The following GNB4 variants were observed in gnomAD, a reference collection of about 807,000 sequenced individuals.
GNB4 encodes G protein subunit beta 4.
A neutral mutation model predicts 45.2 loss-of-function variants in GNB4; 28 were observed. That is an observed-to-expected ratio of 0.62 (90% confidence interval 0.46 to 0.85). The LOEUF is 0.85. GNB4 is among the 40% of genes least tolerant of loss of function. The pLI is 0.00. For synonymous variants in GNB4, 132 were observed against 143.7 expected, an observed-to-expected ratio of 0.92 and a Z score of 0.58; for missense variants, 321 against 425.4, an observed-to-expected ratio of 0.75 and a Z score of 2.16.
At chr3:179,511,677 G>A in the GNB4 span, among the ~76,000 whole-genome samples, 1 of 151,928 alleles carries the variant, frequency 6.6e-6, no homozygotes, top group African/African-American at 2.4e-5. Context: ...ATTAAATGAT[G>A]TTAATAAGCA....
At chr3:179,483,900 T>C in the GNB4 span, among the ~76,000 whole-genome samples, 1 of 152,172 alleles carries the variant, frequency 6.6e-6, no homozygotes, top group African/African-American at 2.4e-5. Context: ...ACAAATTTTA[T>C]TACAATCAAT....
At chr3:179,480,723 T>C in the GNB4 span, among the ~76,000 whole-genome samples, 2 of 152,168 alleles carry the variant, frequency 1.3e-5, no homozygotes, top group Non-Finnish European at 2.9e-5. Flanking sequence ...CTCCCACAGA[T>C]TTAACACTGG....
rs930232785 is a variant in GNB4, at chr3:179,451,450, G to C, written c.-147C>G. On this transcript the variant is annotated 5_prime_UTR_variant, in exon 1 of 10. Transcript: ENST00000232564. ...GGCGTGGAGAGCGCAGCTCACAGCC[G>C]AGACCAGAGCCGCCGGCCACACCCA... The C allele has an allele frequency of 6.6e-6, 1 of 151,022 alleles. No individual in the cohort carries two copies. Among genetic ancestry groups the C allele is most frequent in the Non-Finnish European group, 1.5e-5 (1 of 67,678 alleles). The allele number at this position is 151,022 out of a possible 1,614,324, so 9.4% of individuals were successfully genotyped here.
chr3:179,485,785 A>G, the GNB4 span, among the ~76,000 whole-genome samples: 5 of 152,030 alleles, frequency 3.3e-5, no homozygotes, highest in African/African-American at 1.2e-4. Context: ...TACTAAAAAT[A>G]CAAAATTAGC....
intron 8 of GNB4, among the ~76,000 whole-genome samples, chr3:179,411,629 G>C (rs1714655760): frequency 6.6e-6 from 1 of 152,174 alleles, no homozygotes; most frequent in Non-Finnish European, 1.5e-5. Context: ...ATCTCAACTT[G>C]ATAAAAGTAA....
chr3:179,409,125 TA>T (rs35623624), intron 8 of GNB4, among the ~76,000 whole-genome samples: 84,307 of 134,132 alleles, frequency 0.63, 25,206 homozygotes, highest in Admixed American at 0.73. Flanking sequence ...TGAAACCCAG[TA>T]AAAAAAAAAA....
chr3:179,482,758 T>A, the GNB4 span, among the ~76,000 whole-genome samples: 9 of 152,374 alleles, frequency 5.9e-5, no homozygotes, highest in Admixed American at 3.3e-4. Flanking sequence ...AGGCTTTTCA[T>A]GACTCTCTCT....
the GNB4 span, among the ~76,000 whole-genome samples, chr3:179,505,034 G>A: frequency 1.3e-5 from 2 of 152,160 alleles, no homozygotes; most frequent in Non-Finnish European, 2.9e-5. Flanking sequence ...AGAATAGTGT[G>A]TCCCAGAAGA....
At chr3:179,421,285 TGA>T (rs1298900679) in intron 2 of GNB4, among the ~76,000 whole-genome samples, 1 of 152,136 alleles carries the variant, frequency 6.6e-6, no homozygotes, top group African/African-American at 2.4e-5. Flanking sequence ...GAACAAAATT[TGA>T]GAGATGTCAA....
At chr3:179,430,919 T>TA (rs1431560196) in intron 1 of GNB4, among the ~76,000 whole-genome samples, 1 of 152,234 alleles carries the variant, frequency 6.6e-6, no homozygotes, top group African/African-American at 2.4e-5. Flanking sequence ...CACAAAGTAT[T>TA]AATTTTTTTT....
chr3:179,425,732 A>G (rs777205978), intron 2 of GNB4, among the ~76,000 whole-genome samples: 1 of 152,142 alleles, frequency 6.6e-6, no homozygotes, highest in African/African-American at 2.4e-5. Flanking sequence ...CAGCCTCCCA[A>G]AGTGCTGGGA....
chr3:179,510,560 G>A, the GNB4 span, among the ~76,000 whole-genome samples: 21 of 152,190 alleles, frequency 1.4e-4, no homozygotes, highest in Admixed American at 1.4e-3. Context: ...AAAGCAGAGG[G>A]GGGAAAAGAT....
the GNB4 span, among the ~76,000 whole-genome samples, chr3:179,484,285 A>G: frequency 1.3e-5 from 2 of 152,254 alleles, no homozygotes; most frequent in Non-Finnish European, 2.9e-5. Flanking sequence ...GCAGGGCCAA[A>G]TATATGACCC....
At chr3:179,404,848 A>T (rs1714417856) in intron 9 of GNB4, among the ~76,000 whole-genome samples, 1 of 152,192 alleles carries the variant, frequency 6.6e-6, no homozygotes, top group Non-Finnish European at 1.5e-5. Context: ...TCTGCTTCAG[A>T]AGGAAGAAAA....
At chr3:179,480,913 G>A in the GNB4 span, among the ~76,000 whole-genome samples, 124 of 147,622 alleles carry the variant, frequency 8.4e-4, 1 homozygote, top group Admixed American at 6.8e-3. Flanking sequence ...GTGCAGTGGC[G>A]CGATCTCGGC....
chr3:179,514,400 T>G, the GNB4 span, among the ~76,000 whole-genome samples: 2 of 152,178 alleles, frequency 1.3e-5, no homozygotes, highest in African/African-American at 4.8e-5. Context: ...GGAAGTTGCC[T>G]TTAGTCATCC....
chr3:179,523,085 T>C, the GNB4 span, among the ~76,000 whole-genome samples: 18 of 151,832 alleles, frequency 1.2e-4, no homozygotes, highest in Admixed American at 1.2e-3. Flanking sequence ...ATGGTAAAAC[T>C]AGGTATCCAA....
the GNB4 span, among the ~76,000 whole-genome samples, chr3:179,487,411 A>G: frequency 6.6e-6 from 1 of 152,318 alleles, no homozygotes; most frequent in East Asian, 1.9e-4. Context: ...CCTTCAACTG[A>G]CTAAACAGAC....
Position 179,419,476 on chromosome 3 carries a change from T to TA in GNB4, c.125_126insT (p.Ile43AsnfsTer15). On this transcript the variant is annotated frameshift_variant, in exon 4 of 10. Coordinates refer to ENST00000232564, the MANE Select transcript of GNB4 (RefSeq NM_021629.4). LOFTEE classifies it high-confidence loss of function. The stretch of plus-strand genomic sequence containing the variant: ...GTGTACGTCTTGTTCGCATTTGTAT[T>TA]CGACCCACAGAGTCCATATTTGATG... 1 of 1,611,952 alleles carries TA rather than the reference T, an allele frequency of 6.2e-7. No homozygotes were observed. Among genetic ancestry groups the TA allele is most frequent in the Non-Finnish European group, 8.5e-7 (1 of 1,178,020 alleles).
Sources: gnomAD v4.1 joint callset for allele counts (sites outside exome capture counted in the v4.1 genomes callset) on GRCh38, gnomAD v4.1.1 for gene constraint, MANE v1.5 for transcripts, NCBI Gene and HGNC (gene_info 2026-07-23, HGNC 2026-07-21) for gene names.